GRIN3A: variants seen among roughly 807,000 people sequenced by gnomAD.
GRIN3A encodes glutamate receptor ionotropic, NMDA 3A.
In GRIN3A, 47 loss-of-function variants were observed where a neutral mutation model predicts 92.4. That is an observed-to-expected ratio of 0.51 (90% CI 0.40 to 0.65). The LOEUF (loss-of-function observed/expected upper bound fraction) is 0.65, where lower values mean the gene tolerates loss of function less well. Among genes scored for constraint, GRIN3A ranks in the 30% least tolerant of loss-of-function variants. GRIN3A has a pLI of 0.00. For synonymous variants in GRIN3A, 527 were observed against 540.6 expected (o/e 0.97, Z 0.35); for missense variants, 1,324 against 1,393.1 (o/e 0.95, Z 0.79).
At chr9:101,611,055 G>A (rs1828361281) in intron 6 of GRIN3A, among the ~76,000 whole-genome samples, 2 of 150,080 alleles carry the variant, frequency 1.3e-5, no homozygotes, top group Admixed American at 6.6e-5. Context: ...CCTAGATCAT[G>A]CCACTGCACT....
intron 6 of GRIN3A, chr9:101,594,509 A>C (rs767251662): frequency 6.2e-7 from 1 of 1,614,134 alleles, no homozygotes; most frequent in African/African-American, 1.3e-5. Flanking sequence ...GTCCAGGATG[A>C]TGATGGTTTT....
chr9:101,664,631 T>A (rs1371968738), intron 3 of GRIN3A, among the ~76,000 whole-genome samples: 5 of 151,864 alleles, frequency 3.3e-5, no homozygotes, highest in African/African-American at 9.7e-5. Flanking sequence ...GGAAAAAAAA[T>A]TTCAACCTCC....
rs186223473 is a variant in GRIN3A, at chr9:101,725,948, C to T, written c.699+11333G>A. Among the ~76,000 whole-genome samples the T allele has an allele frequency of 2.4e-3, 363 of 152,252 alleles. 1 individual carries two copies. Among genetic ancestry groups the T allele is most frequent in the African/African-American group, 7.9e-3 (330 of 41,544 alleles). On this transcript the variant is annotated intron_variant, in intron 1 of 8. Transcript: ENST00000361820. ...TATTCTGCTGTATTTTTCTCCATTG[C>T]ACTTGTCTCTGTCTAATAATAATAT...
intron 5 of GRIN3A, among the ~76,000 whole-genome samples, chr9:101,614,609 C>CTTTTTT (rs754003481): frequency 3.6e-5 from 3 of 83,050 alleles, no homozygotes; most frequent in African/African-American, 5.3e-5. Context: ...ATATGTGATA[C>CTTTTTT]TTTTTTTTTT....
intron 1 of GRIN3A, among the ~76,000 whole-genome samples, chr9:101,736,945 G>C (rs1201838722): frequency 6.6e-6 from 1 of 151,794 alleles, no homozygotes; most frequent in East Asian, 1.9e-4. Context: ...CGCTCTCCAC[G>C]GTCCTGAACC....
rs566953923 is a variant in GRIN3A at position 101,634,104 on chromosome 9, C to T, written c.2353-5703G>A. ...ATCCCAGCACTTTGGGAGGCCGAGG[C>T]GGGTGGATCACGAGGTCAGGAGATC... On this transcript the variant is annotated intron_variant, in intron 3 of 8. Coordinates refer to ENST00000361820, the MANE Select transcript of GRIN3A (RefSeq NM_133445.3). Among the ~76,000 whole-genome samples, 8 of 152,054 alleles carry T rather than the reference C, an allele frequency of 5.3e-5. No individual in the cohort carries two copies. The South Asian group carries it at 1.2e-3, about 24-fold the overall frequency.
At chr9:101,616,308 T>A (rs1462570443) in intron 5 of GRIN3A, among the ~76,000 whole-genome samples, 1 of 152,192 alleles carries the variant, frequency 6.6e-6, no homozygotes. Flanking sequence ...ATTACTTCCT[T>A]CTAATAAATT....
chr9:101,678,393 T>G (rs1030539922), intron 2 of GRIN3A, among the ~76,000 whole-genome samples: 1 of 152,158 alleles, frequency 6.6e-6, no homozygotes, highest in African/African-American at 2.4e-5. Flanking sequence ...AGGAGTTTAA[T>G]AGGGTTTGGA....
At chr9:101,601,986 C>A (rs564413403) in intron 6 of GRIN3A, among the ~76,000 whole-genome samples, 1 of 152,242 alleles carries the variant, frequency 6.6e-6, no homozygotes, top group South Asian at 2.1e-4. Flanking sequence ...AGGCTGAAGT[C>A]TTATTGGACA....
chr9:101,689,557 A>T (rs1829586429), intron 1 of GRIN3A, among the ~76,000 whole-genome samples: 1 of 152,174 alleles, frequency 6.6e-6, no homozygotes, highest in African/African-American at 2.4e-5. Flanking sequence ...GAAATTCCAG[A>T]TGTTGAAATT....
At chr9:101,613,022 T>C (rs1211654757) in intron 6 of GRIN3A, among the ~76,000 whole-genome samples, 1 of 152,256 alleles carries the variant, frequency 6.6e-6, no homozygotes, top group Non-Finnish European at 1.5e-5. Context: ...GTACACATCA[T>C]GTCCATCAAT....
At chr9:101,652,679 C>G (rs1829028894) in intron 3 of GRIN3A, among the ~76,000 whole-genome samples, 1 of 152,016 alleles carries the variant, frequency 6.6e-6, no homozygotes, top group Non-Finnish European at 1.5e-5. Context: ...CTAGGGACAC[C>G]TTGGACTGGT....
At chr9:101,728,330 TA>T (rs1266709617) in intron 1 of GRIN3A, among the ~76,000 whole-genome samples, 1 of 152,130 alleles carries the variant, frequency 6.6e-6, no homozygotes, top group Non-Finnish European at 1.5e-5. Flanking sequence ...AAATGTTCAG[TA>T]AGTTCAGCTA....
At chr9:101,627,572 C>T (rs1028197230) in intron 4 of GRIN3A, among the ~76,000 whole-genome samples, 2 of 152,226 alleles carry the variant, frequency 1.3e-5, no homozygotes, top group East Asian at 1.9e-4. Flanking sequence ...GGACTACTCA[C>T]CCTCATGTCT....
At chr9:101,732,320 G>T (rs1564154833) in intron 1 of GRIN3A, among the ~76,000 whole-genome samples, 1 of 152,252 alleles carries the variant, frequency 6.6e-6, no homozygotes, top group Admixed American at 6.5e-5. Context: ...ACTCTGTATG[G>T]TCATAATTTC....
intron 4 of GRIN3A, among the ~76,000 whole-genome samples, chr9:101,625,045 C>T (rs1417955845): frequency 1.3e-5 from 2 of 152,054 alleles, no homozygotes; most frequent in African/African-American, 2.4e-5. Context: ...AGAAAAGCAA[C>T]CATTTTGTGC....
chr9:101,724,389 G>A (rs1227924509), intron 1 of GRIN3A, among the ~76,000 whole-genome samples: 1 of 152,160 alleles, frequency 6.6e-6, no homozygotes, highest in Non-Finnish European at 1.5e-5. Context: ...AGGGCCGGCA[G>A]GGCCGGCCCG....
chr9:101,601,287 C>T (rs73507298), intron 6 of GRIN3A, among the ~76,000 whole-genome samples: 3,247 of 152,278 alleles, frequency 0.021, 121 homozygotes, highest in African/African-American at 0.074. Context: ...GACATTTAGT[C>T]TCTACCCAGT....
chr9:101,737,350 G>C lies in GRIN3A; in HGVS notation c.630C>G (p.Asp210Glu). The change falls in exon 1 of 9, where the codon GAC becomes GAG. Residue 210 changes from aspartate to glutamate, a missense_variant. Transcript: ENST00000361820. ...PQSQGEMMEL[D>E]LVSLVLHIPV... ...GAATGTGCAGGACTAAGCTGACCAAGTCGAGCTCCATCATTTCGCCCTGGC... is the reference window on the plus strand; with the variant it reads ...GAATGTGCAGGACTAAGCTGACCAACTCGAGCTCCATCATTTCGCCCTGGC... The C allele has an allele frequency of 6.2e-7, 1 of 1,614,248 alleles. No homozygotes were observed. Among genetic ancestry groups the C allele is most frequent in the African/African-American group, 1.3e-5 (1 of 75,070 alleles).
Sources: gnomAD v4.1 joint callset for allele counts (sites outside exome capture counted in the v4.1 genomes callset) on GRCh38, gnomAD v4.1.1 for gene constraint, MANE v1.5 for transcripts, NCBI Gene and HGNC (gene_info 2026-07-23, HGNC 2026-07-21) for gene names.